Variants in WAC observed in about 807,000 individuals in gnomAD.
The protein encoded by WAC is WW domain-containing adapter protein with coiled-coil.
WAC carries 11 observed loss-of-function variants against 79.6 expected under a neutral mutation model. That is an observed-to-expected ratio of 0.14 (90% confidence interval 0.09 to 0.23). The LOEUF (loss-of-function observed/expected upper bound fraction) is 0.23, where lower values mean the gene tolerates loss of function less well. WAC is among the 10% of genes least tolerant of loss of function. The pLI is 1.00. For synonymous variants in WAC, 304 were observed against 276.9 expected (o/e 1.10, Z -0.97); for missense variants, 728 against 773.5 (o/e 0.94, Z 0.70).
At chr10:28,563,398 A>G (rs1011980742) in intron 3 of WAC, among the ~76,000 whole-genome samples, 5 of 152,174 alleles carry the variant, frequency 3.3e-5, no homozygotes, top group Non-Finnish European at 7.3e-5. Context: ...ATTTTAGGAA[A>G]TATTTGTTAG....
At chr10:28,576,663 A>C (rs559083406) in intron 3 of WAC, among the ~76,000 whole-genome samples, 2 of 152,308 alleles carry the variant, frequency 1.3e-5, no homozygotes, top group African/African-American at 4.8e-5. Flanking sequence ...AGACTCAGTT[A>C]ATTATAAGCA....
At chr10:28,586,831 A>G (rs1426024114) in intron 4 of WAC, among the ~76,000 whole-genome samples, 2 of 152,212 alleles carry the variant, frequency 1.3e-5, no homozygotes, top group Non-Finnish European at 2.9e-5. Context: ...AGACACTGTA[A>G]TTGAGATTTT....
At chr10:28,590,999 A>G in intron 6 of WAC, 167 bp downstream of exon 6, 1 of 625,158 alleles carries the variant, frequency 1.6e-6, no homozygotes, top group Non-Finnish European at 2.8e-6. Flanking sequence ...GTCCCTGAAA[A>G]GGGAAAAGAT....
intron 3 of WAC, among the ~76,000 whole-genome samples, chr10:28,550,006 A>C (rs1457063864): frequency 6.6e-6 from 1 of 152,098 alleles, no homozygotes; most frequent in East Asian, 1.9e-4. Context: ...CTCTACTAAA[A>C]ATACAAAAAG....
chr10:28,595,349 C>G (rs141528364), intron 6 of WAC, among the ~76,000 whole-genome samples: 1 of 151,948 alleles, frequency 6.6e-6, no homozygotes, highest in East Asian at 1.9e-4. Context: ...TGTAAAAGAA[C>G]GAAGCATTTA....
intron 7 of WAC, among the ~76,000 whole-genome samples, chr10:28,599,480 T>C (rs1322531741): frequency 1.3e-5 from 2 of 152,210 alleles, no homozygotes; most frequent in African/African-American, 4.8e-5. Context: ...TAATGGATGT[T>C]GTATAGGCAT....
At chr10:28,581,891 T>G (rs1205618911) in intron 3 of WAC, among the ~76,000 whole-genome samples, 1 of 152,226 alleles carries the variant, frequency 6.6e-6, no homozygotes, top group Non-Finnish European at 1.5e-5. Flanking sequence ...TATTGAGGAT[T>G]TATTTCTTGC....
Position 28,608,350 on chromosome 10 carries a change from C to T in WAC, c.1084C>T (p.Leu362Phe), listed in dbSNP as rs1225178498. The change falls in exon 8 of 14, where the codon CTT becomes TTT. Residue 362 changes from leucine (L) to phenylalanine (F), a missense_variant. Leu to Phe is a conservative substitution (Grantham distance 22). Transcript: ENST00000354911. ...ACCTCCCTTACTTCAGGACCCAAAT[C>T]TTCTTAGACAATTGCTTCCTGCTTT... ...PIPPLLQDPN[L>F]LRQLLPALQA... 1.2e-6 allele frequency: 2 copies of T among 1,614,022 alleles called. No individual in the cohort carries two copies. The highest frequency in any genetic ancestry group is 3.3e-5 in the Admixed American group (2 of 59,984).
chr10:28,554,547 T>C (rs1837876135), intron 3 of WAC, among the ~76,000 whole-genome samples: 1 of 152,078 alleles, frequency 6.6e-6, no homozygotes. Flanking sequence ...CACGAATAGC[T>C]CGTGAATTTG....
chr10:28,577,810 A>G (rs550952089), intron 3 of WAC, among the ~76,000 whole-genome samples: 20 of 152,256 alleles, frequency 1.3e-4, no homozygotes, highest in East Asian at 5.8e-4. Flanking sequence ...TTGTTTCCCA[A>G]TGTGTGGCCT....
intron 3 of WAC, among the ~76,000 whole-genome samples, chr10:28,576,125 A>C (rs1839233142): frequency 6.6e-6 from 1 of 152,212 alleles, no homozygotes; most frequent in Admixed American, 6.5e-5. Context: ...GCTCGACAAC[A>C]TATTGCTCAG....
At chr10:28,541,445 T>TTTTTTTTA in intron 3 of WAC, among the ~76,000 whole-genome samples, 1 of 139,184 alleles carries the variant, frequency 7.2e-6, no homozygotes. Context: ...TTTTTTTTTT[T>TTTTTTTTA]TAAGACAGTC....
chr10:28,598,959 A>G (rs1429542429), intron 7 of WAC, among the ~76,000 whole-genome samples: 2 of 152,184 alleles, frequency 1.3e-5, no homozygotes, highest in African/African-American at 2.4e-5. Flanking sequence ...TTGTATGTTA[A>G]TTGAAGACTG....
intron 6 of WAC, among the ~76,000 whole-genome samples, chr10:28,594,016 C>T (rs924855814): frequency 1.3e-5 from 2 of 152,106 alleles, no homozygotes; most frequent in Admixed American, 6.5e-5. Context: ...ATGCCAGTAG[C>T]ATACCTCCCC....
chr10:28,582,049 C>T (rs1179611557), intron 3 of WAC, among the ~76,000 whole-genome samples: 3 of 152,194 alleles, frequency 2.0e-5, no homozygotes, highest in African/African-American at 7.2e-5. Flanking sequence ...CTTAAGTAAC[C>T]ATTGTACTTA....
In WAC at chr10:28,623,048, CTT is replaced by C. The variant is rs1215121660; in HGVS notation, c.*3443_*3444del. On this transcript the variant is annotated 3_prime_UTR_variant, in exon 14 of 14. Coordinates refer to ENST00000354911, the MANE Select transcript of WAC (RefSeq NM_016628.5). ...TATTTCAGAACTGTGTTTTGAAAGT[CTT>C]AGAATGCATAATTTGCATTTGAGTA... 2.6e-5 allele frequency: 4 copies of C among 152,082 alleles called. No individual in the cohort carries two copies. The highest frequency in any genetic ancestry group is 1.5e-5 in the Non-Finnish European group (1 of 68,014). 9.4% of individuals were successfully genotyped at this position (152,082 alleles called of 1,614,324 possible). A position where few individuals can be genotyped will look rare whatever the true frequency, so the allele number is the denominator to read the frequency against.
In WAC at chr10:28,535,565, C is replaced by CT; in HGVS notation, c.84dup (p.Lys29Ter). 6.2e-7 allele frequency: 1 copy of CT among 1,605,376 alleles called. No individual in the cohort carries two copies. Among genetic ancestry groups the CT allele is most frequent in the Non-Finnish European group, 8.5e-7 (1 of 1,175,406 alleles). The stretch of plus-strand genomic sequence containing the variant: ...TTGGGGGGGTGATGTTTTACAGGCA[C>CT]TTAAGTATTCATCGAAGAGTCACCC... On this transcript the variant is annotated frameshift_variant, in exon 3 of 14. Coordinates refer to ENST00000354911, the MANE Select transcript of WAC (RefSeq NM_016628.5). LOFTEE classifies it high-confidence loss of function.
Position 28,596,085 on chromosome 10 carries a change from T to C in WAC, c.919+44T>C, listed in dbSNP as rs755720193. 2.6e-6 allele frequency: 4 copies of C among 1,547,016 alleles called. No homozygotes were observed. The South Asian group carries it at 3.7e-5, about 14-fold the overall frequency. ...ATGCTGCACGTTGAACTATAGTTTC[T>C]AAGTTTCTTCTAAGTTTCTTATATA... On this transcript the variant is annotated intron_variant, in intron 7 of 13. Transcript: ENST00000354911.
At chr10:28,558,581 A>G (rs1217950530) in intron 3 of WAC, among the ~76,000 whole-genome samples, 1 of 152,200 alleles carries the variant, frequency 6.6e-6, no homozygotes, top group Non-Finnish European at 1.5e-5. Flanking sequence ...GTAAAAAAAA[A>G]TTATGTAAGT....
Sources: allele counts gnomAD v4.1 joint callset (sites outside exome capture counted in the v4.1 genomes callset), GRCh38; gene constraint gnomAD v4.1.1; transcripts MANE v1.5; gene names NCBI Gene and HGNC (gene_info 2026-07-23, HGNC 2026-07-21).